The following ZFHX3 variants were observed in gnomAD, a reference collection of about 807,000 sequenced individuals.
The protein encoded by ZFHX3 is zinc finger homeobox protein 3.
In ZFHX3, 42 loss-of-function variants were observed where a neutral mutation model predicts 279.1. The ratio of observed to expected loss-of-function variants is 0.15; its 90% confidence interval spans 0.12 to 0.19. The LOEUF is 0.19. Ranked by LOEUF, ZFHX3 falls within the 10% of genes least tolerant of loss-of-function variation. The pLI is 1.00. For missense variants in ZFHX3, 4,981 were observed against 4,754.0 expected (o/e 1.05, Z -1.40); for synonymous variants, 2,293 against 1,957.8 (o/e 1.17, Z -4.52).
intron 2 of ZFHX3, among the ~76,000 whole-genome samples, chr16:73,513,244 T>C (rs933814835): frequency 6.6e-6 from 1 of 152,188 alleles, no homozygotes; most frequent in African/African-American, 2.4e-5. Context: ...ATGATGTGAC[T>C]GCAGTTACCA....
chr16:73,678,364 A>T (rs1352667204), intron 2 of ZFHX3, among the ~76,000 whole-genome samples: 3 of 152,176 alleles, frequency 2.0e-5, no homozygotes, highest in African/African-American at 7.2e-5. Flanking sequence ...GTATATTCTA[A>T]TTACAGTGGG....
intron 5 of ZFHX3, among the ~76,000 whole-genome samples, chr16:73,247,254 CAT>C (rs201305723): frequency 0.021 from 3,052 of 146,668 alleles, 112 homozygotes; most frequent in African/African-American, 0.073. Context: ...ATGTGGAGTA[CAT>C]GTGTGTGTGT....
intron 1 of ZFHX3, among the ~76,000 whole-genome samples, chr16:72,996,039 G>A (rs575572270): frequency 2.0e-4 from 31 of 152,172 alleles, no homozygotes; most frequent in Middle Eastern, 3.4e-3. Flanking sequence ...ACACCAAGGC[G>A]GGTGGATCAC....
At chr16:73,506,240 A>C (rs920872267) in intron 2 of ZFHX3, among the ~76,000 whole-genome samples, 2 of 152,194 alleles carry the variant, frequency 1.3e-5, no homozygotes, top group Non-Finnish European at 2.9e-5. Flanking sequence ...CTATCTTTCC[A>C]GGAAATGCTA....
intron 1 of ZFHX3, among the ~76,000 whole-genome samples, chr16:73,788,719 T>G (rs866972024): frequency 2.4e-4 from 37 of 151,288 alleles, no homozygotes; most frequent in South Asian, 2.1e-4. Flanking sequence ...GGAAAATATA[T>G]ATATATCTAT....
chr16:73,376,941 A>AT (rs1263693443), intron 3 of ZFHX3, among the ~76,000 whole-genome samples: 5 of 147,854 alleles, frequency 3.4e-5, no homozygotes, highest in African/African-American at 1.2e-4. Flanking sequence ...AGTAACTCCA[A>AT]TTTTTTCAGA....
chr16:72,802,565 G>A (rs1390524497), intron 7 of ZFHX3, among the ~76,000 whole-genome samples: 1 of 152,150 alleles, frequency 6.6e-6, no homozygotes, highest in African/African-American at 2.4e-5. Flanking sequence ...GAAAAAAAGG[G>A]GGGGTTGGTA....
upstream of ZFHX3, among the ~76,000 whole-genome samples, chr16:73,050,810 T>C (rs1597136523): frequency 1.3e-5 from 2 of 152,310 alleles, no homozygotes; most frequent in South Asian, 2.1e-4. Flanking sequence ...CAGTTCTCCA[T>C]ACCCAGTCTC....
In ZFHX3 at chr16:73,055,692, G is replaced by A. The variant is rs1254550986; in HGVS notation, c.-24+2838C>T. On this transcript the variant is annotated intron_variant, in intron 1 of 8. Transcript: ENST00000397992. ...GGTGCAGACGTACGCGCGCGCGCGCGCGCGCGCACACACACACACACACAC... is the reference window on the plus strand; with the variant it reads ...GGTGCAGACGTACGCGCGCGCGCGCACGCGCGCACACACACACACACACAC... Among the ~76,000 whole-genome samples the A allele has an allele frequency of 4.6e-3, 434 of 95,280 alleles. 3 individuals are homozygous for A. Among genetic ancestry groups the A allele is most frequent in the Middle Eastern group, 0.032 (6 of 188 alleles). The allele number at this position is 95,280 out of a possible 152,430, so 62.5% of individuals were successfully genotyped here.
At chr16:73,866,541 TCAA>T (rs987730023) in intron 1 of ZFHX3, among the ~76,000 whole-genome samples, 10 of 152,150 alleles carry the variant, frequency 6.6e-5, no homozygotes, top group Non-Finnish European at 1.3e-4. Context: ...CCATCACTTT[TCAA>T]AGAGTTTGGG....
At chr16:72,946,321 A>G (rs1202707290) in intron 3 of ZFHX3, among the ~76,000 whole-genome samples, 1 of 152,142 alleles carries the variant, frequency 6.6e-6, no homozygotes, top group Non-Finnish European at 1.5e-5. Flanking sequence ...GCCCAGACTC[A>G]ACACCGTGGT....
intron 2 of ZFHX3, among the ~76,000 whole-genome samples, chr16:73,591,914 A>C (rs536002454): frequency 6.6e-6 from 1 of 151,984 alleles, no homozygotes; most frequent in East Asian, 1.9e-4. Flanking sequence ...TTAGGTATGA[A>C]CTGTTGGTGT....
chr16:73,174,024 G>A (rs1446506040), intron 5 of ZFHX3, among the ~76,000 whole-genome samples: 1 of 152,126 alleles, frequency 6.6e-6, no homozygotes, highest in African/African-American at 2.4e-5. Flanking sequence ...TAGTTTCCGG[G>A]CTCCCAAAAT....
At chr16:73,628,908 C>A (rs1302723921) in intron 2 of ZFHX3, among the ~76,000 whole-genome samples, 1 of 152,072 alleles carries the variant, frequency 6.6e-6, no homozygotes, top group East Asian at 1.9e-4. Flanking sequence ...AGGACCCAGT[C>A]CTGCAGATAT....
exon 1 of ZFHX3, chr16:73,059,141 G>A (rs12934016): frequency 6.6e-6 from 1 of 150,928 alleles, no homozygotes; most frequent in Non-Finnish European, 1.5e-5. Flanking sequence ...GGGCTAATTA[G>A]CCACCTTCTG....
rs117884467 is a variant in ZFHX3 at position 73,465,118 on chromosome 16, G to A, written c.-1546-8860C>T. Among the ~76,000 whole-genome samples, 1,464 of 152,326 alleles carry A rather than the reference G, an allele frequency of 9.6e-3. 10 individuals are homozygous for A. The highest frequency in any genetic ancestry group is 0.015 in the Non-Finnish European group (991 of 68,024). On this transcript the variant is annotated intron_variant, in intron 2 of 17. Transcript: ENST00000641206. ...CAACTCATGCTCGAGGTCAGAAATG[G>A]TCTCGGTACTTGAGAGAGACACAGC...
chr16:73,681,288 T>G (rs2053007345), intron 1 of ZFHX3, among the ~76,000 whole-genome samples: 1 of 152,194 alleles, frequency 6.6e-6, no homozygotes, highest in African/African-American at 2.4e-5. Flanking sequence ...ATTGATCCAA[T>G]TACTGGTTAC....
At chr16:72,916,428 A>G (rs1446844280) in intron 3 of ZFHX3, among the ~76,000 whole-genome samples, 1 of 152,254 alleles carries the variant, frequency 6.6e-6, no homozygotes, top group African/African-American at 2.4e-5. Context: ...GCAGTAAAAT[A>G]TAATTATCCA....
chr16:73,620,838 G>C (rs1056012431), intron 2 of ZFHX3, among the ~76,000 whole-genome samples: 1 of 152,202 alleles, frequency 6.6e-6, no homozygotes, highest in Non-Finnish European at 1.5e-5. Flanking sequence ...AAAGTTAGTA[G>C]ATGCACGAGA....
Sources: gnomAD v4.1 joint callset for allele counts (sites outside exome capture counted in the v4.1 genomes callset) on GRCh38, gnomAD v4.1.1 for gene constraint, MANE v1.5 for transcripts, NCBI Gene and HGNC (gene_info 2026-07-23, HGNC 2026-07-21) for gene names.